The following SPRED2 variants were observed in gnomAD, a reference collection of about 807,000 sequenced individuals.
The protein encoded by SPRED2 is sprouty related EVH1 domain containing 2.
In SPRED2, 47 loss-of-function variants were observed where a neutral mutation model predicts 43.0. The ratio of observed to expected loss-of-function variants is 1.09; its 90% CI spans 0.87 to 1.40. The LOEUF is 1.40. Among genes scored for constraint, SPRED2 ranks in the 40% most tolerant of loss-of-function variants. The pLI, the probability that SPRED2 is intolerant of heterozygous loss-of-function variation, is 0.00. For missense variants in SPRED2, 561 were observed against 586.4 expected, an observed-to-expected ratio of 0.96 and a Z score of 0.45; for synonymous variants, 225 against 225.7, an observed-to-expected ratio of 1.00 and a Z score of 0.03.
chr2:65,359,701 G>C (rs554375612), intron 1 of SPRED2, among the ~76,000 whole-genome samples: 1 of 152,226 alleles, frequency 6.6e-6, no homozygotes, highest in South Asian at 2.1e-4. Flanking sequence ...AGGCTGAGGC[G>C]GGTGGATCAT....
Position 65,312,957 on chromosome 2 carries a change from C to T in SPRED2, c.*544G>A. On this transcript the variant is annotated 3_prime_UTR_variant, in exon 6 of 6. Coordinates refer to ENST00000356388, the MANE Select transcript of SPRED2 (RefSeq NM_181784.3). ...TACAAGTTTGTTAACTAGCTCACCT[C>T]CTATACATAATAACTGACTGCAGGC... is the stretch of plus-strand genomic sequence containing the variant. The T allele has an allele frequency of 6.1e-6, 6 of 985,806 alleles. No homozygotes were observed. The highest frequency in any genetic ancestry group is 7.2e-6 in the Non-Finnish European group (6 of 830,058). The allele number at this position is 985,806 out of a possible 1,614,324, so 61.1% of individuals were successfully genotyped here.
At chr2:65,323,258 G>T (rs1673487449) in intron 4 of SPRED2, among the ~76,000 whole-genome samples, 1 of 152,148 alleles carries the variant, frequency 6.6e-6, no homozygotes, top group African/African-American at 2.4e-5. Context: ...GCCTCCCAAA[G>T]TGCTGGGATT....
At chr2:65,309,364 G>C (rs1380411195), downstream of SPRED2, among the ~76,000 whole-genome samples, 1 of 151,812 alleles carries the variant, frequency 6.6e-6, no homozygotes, top group Non-Finnish European at 1.5e-5. Context: ...CAGTTAGCTG[G>C]GCATGGTGAT....
At chr2:65,371,584 T>G (rs1675125885) in intron 1 of SPRED2, among the ~76,000 whole-genome samples, 1 of 152,144 alleles carries the variant, frequency 6.6e-6, no homozygotes, top group Non-Finnish European at 1.5e-5. Context: ...GTACACACAG[T>G]GACAAATCTT....
intron 1 of SPRED2, chr2:65,378,150 T>A (rs564673401): frequency 6.4e-6 from 1 of 155,658 alleles, no homozygotes; most frequent in Non-Finnish European, 1.4e-5. Flanking sequence ...AATGACAGTT[T>A]AATTACCCTG....
At position 65,314,090 on chromosome 2, in the gene SPRED2, A is replaced by T; in HGVS notation, c.668T>A (p.Ile223Asn). 2 of 1,613,646 alleles carry T rather than the reference A, an allele frequency of 1.2e-6. No homozygotes were observed. Among genetic ancestry groups the T allele is most frequent in the Non-Finnish European group, 1.7e-6 (2 of 1,179,702 alleles). The change falls in exon 6 of 6, where the codon ATC (isoleucine) becomes AAC (asparagine). Residue 223 changes from isoleucine to asparagine, a missense_variant. Ile to Asn is a moderately radical substitution (Grantham distance 149, BLOSUM62 -3). Around this residue, in one of 6 missense-constraint regions of SPRED2, gnomAD observed 15 missense variants for 35.4 expected, o/e 0.42. Transcript: ENST00000356388. ...EIVRINPREKIWMTGYEDYRH... is the reference protein window; with the variant it reads ...EIVRINPREKNWMTGYEDYRH... ...GTAATCCTCGTACCCCGTCATCCAG[A>T]TCTTCTCCCGGGGGTTGATGCGCAC...
intron 1 of SPRED2, chr2:65,366,774 C>G (rs1049835352): frequency 1.5e-6 from 2 of 1,363,618 alleles, no homozygotes; most frequent in East Asian, 5.6e-5. Context: ...TGCATTGTAC[C>G]GGATGAGTCA....
chr2:65,385,928 T>C (rs955684337), intron 1 of SPRED2, among the ~76,000 whole-genome samples: 3 of 152,126 alleles, frequency 2.0e-5, no homozygotes, highest in African/African-American at 7.2e-5. Flanking sequence ...TTTCCAGCAA[T>C]TGTTAACTGA....
At chr2:65,365,657 G>GCTAGGAAAGC (rs1380072082) in intron 1 of SPRED2, among the ~76,000 whole-genome samples, 1 of 152,110 alleles carries the variant, frequency 6.6e-6, no homozygotes. Flanking sequence ...AGCCATTCTG[G>GCTAGGAAAGC]ACAGACAGAC....
At position 65,312,152 on chromosome 2, in the gene SPRED2, T is replaced by C. The variant is rs1237985177; in HGVS notation, c.*1349A>G. ...TATTAGAAAAATACTCTTTTCCAGC[T>C]AATTAGAAGCCTCCTCCGTGGCAAG... On this transcript the variant is annotated 3_prime_UTR_variant, in exon 6 of 6. Transcript: ENST00000356388. 1.0e-6 allele frequency: 1 copy of C among 985,524 alleles called. No individual in the cohort carries two copies. Among genetic ancestry groups the C allele is most frequent in the African/African-American group, 1.7e-5 (1 of 57,218 alleles). 61.0% of individuals were successfully genotyped at this position (985,524 alleles called of 1,614,324 possible). A position where few individuals can be genotyped will look rare whatever the true frequency, so the allele number is the denominator to read the frequency against.
chr2:65,368,742 C>T (rs1675046118), intron 1 of SPRED2, among the ~76,000 whole-genome samples: 1 of 152,132 alleles, frequency 6.6e-6, no homozygotes, highest in Non-Finnish European at 1.5e-5. Context: ...TAAACATTCA[C>T]AAACACACAG....
In SPRED2 at chr2:65,431,908, G is replaced by A. The variant is rs201867730; in HGVS notation, c.26+54C>T. Reference sequence around the variant, plus strand: ...GTCCCCGCCCGCATCCTCAGCCCCGGCCCCCACGCTGCCCCTGAGGGGCAC... The same window carrying A: ...GTCCCCGCCCGCATCCTCAGCCCCGACCCCCACGCTGCCCCTGAGGGGCAC... On this transcript the variant is annotated intron_variant, in intron 1 of 5. Transcript: ENST00000356388. The A allele has an allele frequency of 2.8e-4, 442 of 1,604,696 alleles. 3 individuals carry two copies. The highest frequency in any genetic ancestry group is 3.2e-5 in the Non-Finnish European group (38 of 1,173,232).
intron 1 of SPRED2, among the ~76,000 whole-genome samples, chr2:65,372,151 C>T (rs1675139367): frequency 6.6e-6 from 1 of 152,076 alleles, no homozygotes; most frequent in African/African-American, 2.4e-5. Context: ...GCCCAGGTTT[C>T]TTTAGGGAAA....
At chr2:65,388,523 G>GTA (rs1377923244) in intron 1 of SPRED2, among the ~76,000 whole-genome samples, 1 of 152,162 alleles carries the variant, frequency 6.6e-6, no homozygotes, top group Non-Finnish European at 1.5e-5. Context: ...GCCCATAAGA[G>GTA]TATAGTGAGT....
chr2:65,311,309 T>A lies in SPRED2; in HGVS notation c.*2192A>T, dbSNP rs576695409. ...TGGCTGTCTTTGTGCCCTTAACCGA[T>A]GCCTTCACAAACCAAAAAGTATACG... is the stretch of plus-strand genomic sequence containing the variant. On this transcript the variant is annotated 3_prime_UTR_variant, in exon 6 of 6. Transcript: ENST00000356388. The A allele has an allele frequency of 1.2e-5, 12 of 985,872 alleles. No individual in the cohort carries two copies. The African/African-American group carries it at 1.9e-4, about 16-fold the overall frequency. The allele number at this position is 985,872 out of a possible 1,614,324, so 61.1% of individuals were successfully genotyped here.
intron 1 of SPRED2, among the ~76,000 whole-genome samples, chr2:65,413,940 G>A (rs765293962): frequency 6.6e-6 from 1 of 152,166 alleles, no homozygotes; most frequent in Non-Finnish European, 1.5e-5. Flanking sequence ...TCAAGAATGA[G>A]TACTTGTTGG....
intron 1 of SPRED2, among the ~76,000 whole-genome samples, chr2:65,394,120 C>G (rs1222156345): frequency 6.6e-6 from 1 of 152,154 alleles, no homozygotes; most frequent in African/African-American, 2.4e-5. Context: ...CAGTGCATCT[C>G]TGGATGAGAT....
At position 65,361,021 on chromosome 2, in the gene SPRED2, A is replaced by G. The variant is rs144863354; in HGVS notation, c.27-16125T>C. 6.1e-3 allele frequency among the ~76,000 whole-genome samples: 936 copies of G among 152,342 alleles called. 3 individuals are homozygous for G. The highest frequency in any genetic ancestry group is 0.011 in the Non-Finnish European group (716 of 68,036). On this transcript the variant is annotated intron_variant, in intron 1 of 5. Transcript: ENST00000356388. ...GGAGTTTGAGACCAGCCTGTGCAAC[A>G]ATGTGGGACCTCATCTCTATTTTTA...
Position 65,312,293 on chromosome 2 carries a change from C to T in SPRED2, c.*1208G>A. 1 of 985,436 alleles carries T rather than the reference C, an allele frequency of 1.0e-6. No individual in the cohort carries two copies. Among genetic ancestry groups the T allele is most frequent in the Non-Finnish European group, 1.2e-6 (1 of 829,928 alleles). 61.0% of individuals were successfully genotyped at this position (985,436 alleles called of 1,614,324 possible). Reference sequence around the variant, plus strand: ...CATTGGAAGGGTTTTTACATATGGCCTTGTTTTTTCCCCAAGTATAAATGA... The same window carrying T: ...CATTGGAAGGGTTTTTACATATGGCTTTGTTTTTTCCCCAAGTATAAATGA... On this transcript the variant is annotated 3_prime_UTR_variant, in exon 6 of 6. Transcript: ENST00000356388.
Sources: gnomAD v4.1 joint callset for allele counts (sites outside exome capture counted in the v4.1 genomes callset) on GRCh38, gnomAD v4.1.1 for gene constraint, gnomAD v4.1.1 regional missense constraint, MANE v1.5 for transcripts, NCBI Gene and HGNC (gene_info 2026-07-23, HGNC 2026-07-21) for gene names.